Variants in SUFU observed in about 807,000 individuals in gnomAD.
SUFU encodes SUFU negative regulator of hedgehog signaling.
SUFU carries 7 observed loss-of-function variants against 58.9 expected under a neutral mutation model. The ratio of observed to expected loss-of-function variants is 0.12; its 90% CI spans 0.07 to 0.22. SUFU has a LOEUF of 0.22. Among genes scored for constraint, SUFU ranks in the 10% least tolerant of loss-of-function variants. SUFU has a pLI of 1.00. For missense variants in SUFU, 451 were observed against 641.3 expected, an observed-to-expected ratio of 0.70 and a Z score of 3.20; for synonymous variants, 232 against 254.8, an observed-to-expected ratio of 0.91 and a Z score of 0.85.
At chr10:102,532,138 T>C (rs1359545667) in intron 2 of SUFU, among the ~76,000 whole-genome samples, 1 of 152,044 alleles carries the variant, frequency 6.6e-6, no homozygotes, top group Non-Finnish European at 1.5e-5. Flanking sequence ...ATTTTATTAT[T>C]ATTATTTTTG....
At chr10:102,554,283 A>T (rs2062950831) in intron 3 of SUFU, among the ~76,000 whole-genome samples, 1 of 152,048 alleles carries the variant, frequency 6.6e-6, no homozygotes, top group African/African-American at 2.4e-5. Context: ...GACACCTGTA[A>T]TCCCAGCTAC....
rs778708985 is a variant in SUFU, at chr10:102,509,193, C to T, written c.207C>T (p.Asp69=). The T allele has an allele frequency of 6.2e-7, 1 of 1,614,194 alleles. No homozygotes were observed. The highest frequency in any genetic ancestry group is 8.5e-7 in the Non-Finnish European group (1 of 1,180,032). The change falls in exon 2 of 12, where the codon GAC becomes GAT. Residue 69 remains aspartate (D), a synonymous_variant. Transcript: ENST00000369902. ...GGTTGGGTGGCCCAGACCCCTTGGACTATGTTAGCATGTACAGGAATGTGG... is the reference window on the plus strand; with the variant it reads ...GGTTGGGTGGCCCAGACCCCTTGGATTATGTTAGCATGTACAGGAATGTGG... ...KYWLGGPDPL[D]YVSMYRNVGS... is the part of the protein sequence containing the mutation.
At position 102,528,254 on chromosome 10, in the gene SUFU, G is replaced by A. The variant is rs189473351; in HGVS notation, c.317+18951G>A. On this transcript the variant is annotated intron_variant, in intron 2 of 11. Transcript: ENST00000369902. Reference sequence around the variant, plus strand: ...ACCACCCTGCAAGAAAGGGTCTGGTGCCCTTGGCTTAGAATTTCTAAAATT... The same window carrying A: ...ACCACCCTGCAAGAAAGGGTCTGGTACCCTTGGCTTAGAATTTCTAAAATT... Among the ~76,000 whole-genome samples the A allele has an allele frequency of 2.4e-4, 36 of 152,284 alleles. No individual in the cohort carries two copies. In the East Asian group the frequency reaches 6.8e-3, roughly 29 times the overall value.
intron 3 of SUFU, among the ~76,000 whole-genome samples, chr10:102,560,000 T>A (rs1427744996): frequency 6.6e-6 from 1 of 152,218 alleles, no homozygotes; most frequent in Non-Finnish European, 1.5e-5. Context: ...TGGCACTGCA[T>A]GAGTAGGGAT....
chr10:102,544,225 C>T (rs1483439505), intron 2 of SUFU, among the ~76,000 whole-genome samples: 1 of 152,202 alleles, frequency 6.6e-6, no homozygotes, highest in Non-Finnish European at 1.5e-5. Context: ...ATGAGTATAA[C>T]AATGGCTGAG....
chr10:102,508,205 C>G (rs1010086270), intron 1 of SUFU, among the ~76,000 whole-genome samples: 1 of 152,022 alleles, frequency 6.6e-6, no homozygotes, highest in Non-Finnish European at 1.5e-5. Flanking sequence ...AACTCCTGAC[C>G]TCAAGTAATC....
intron 2 of SUFU, among the ~76,000 whole-genome samples, chr10:102,518,592 G>A (rs1382547709): frequency 1.3e-5 from 2 of 151,386 alleles, no homozygotes; most frequent in African/African-American, 2.4e-5. Flanking sequence ...TCTCGCCCAG[G>A]CTGGAGTGCA....
intron 3 of SUFU, among the ~76,000 whole-genome samples, chr10:102,553,741 G>GCGTGAGCCAC (rs2062944803): frequency 6.6e-6 from 1 of 151,916 alleles, no homozygotes; most frequent in African/African-American, 2.4e-5. Context: ...GGGATTACAG[G>GCGTGAGCCAC]CGTGAGCCAC....
chr10:102,624,368 A>G (rs2063768190), intron 10 of SUFU, among the ~76,000 whole-genome samples: 1 of 152,226 alleles, frequency 6.6e-6, no homozygotes, highest in African/African-American at 2.4e-5. Flanking sequence ...TGAAATATAC[A>G]AAGAACAGGG....
chr10:102,527,249 A>G (rs932353806), intron 2 of SUFU, among the ~76,000 whole-genome samples: 4 of 151,758 alleles, frequency 2.6e-5, no homozygotes, highest in South Asian at 2.1e-4. Context: ...TGATCCGCCC[A>G]CCTTGGCCTC....
intron 3 of SUFU, among the ~76,000 whole-genome samples, chr10:102,580,035 C>CCCG (rs1554850793): frequency 1.7e-5 from 2 of 121,120 alleles, no homozygotes; most frequent in Admixed American, 1.6e-4. Flanking sequence ...CCGCACCCCC[C>CCCG]CCCCGCCCCC....
rs527739002 is a variant in SUFU, at chr10:102,587,537, G to A, written c.455-5045G>A. 1.3e-3 allele frequency among the ~76,000 whole-genome samples: 205 copies of A among 152,322 alleles called. 1 individual carries two copies. The highest frequency in any genetic ancestry group is 4.8e-3 in the African/African-American group (198 of 41,578). ...ACGAAGTCTTGGTCTTGTCACCCAG[G>A]CTGGAGTGCAGTAGCGTGATCTCGG... On this transcript the variant is annotated intron_variant, in intron 3 of 11. Coordinates refer to ENST00000369902, the MANE Select transcript of SUFU (RefSeq NM_016169.4).
Position 102,612,252 on chromosome 10 carries a change from C to T in SUFU, c.1023-3016C>T, listed in dbSNP as rs558275098. 1.1e-4 allele frequency among the ~76,000 whole-genome samples: 17 copies of T among 151,626 alleles called. No individual in the cohort carries two copies. In the East Asian group the frequency reaches 3.3e-3, roughly 29 times the overall value. On this transcript the variant is annotated intron_variant, in intron 8 of 11. Coordinates refer to ENST00000369902, the MANE Select transcript of SUFU (RefSeq NM_016169.4). ...GTGTGTATAGCAGCCGCGTTTCCAT[C>T]GAAGCAGCATGCCGGAAATACCCAA...
chr10:102,527,422 GA>G, intron 2 of SUFU, among the ~76,000 whole-genome samples: 1 of 152,028 alleles, frequency 6.6e-6, no homozygotes, highest in East Asian at 1.9e-4. Context: ...GAAGACAGGA[GA>G]ACTGAGTTGA....
chr10:102,523,185 A>G (rs928486140), intron 2 of SUFU, among the ~76,000 whole-genome samples: 1 of 152,200 alleles, frequency 6.6e-6, no homozygotes, highest in Non-Finnish European at 1.5e-5. Context: ...TGGCCCTCAC[A>G]GATCCCTTTC....
At chr10:102,503,843 C>T, upstream of SUFU, 1 of 375,892 alleles carries the variant, frequency 2.7e-6, no homozygotes, top group Non-Finnish European at 4.8e-6. Context: ...GGAGGGGAGG[C>T]GGGGCCTATT....
chr10:102,618,931 C>CGCGTGTGTGTGT (rs370307566), intron 10 of SUFU: 1 of 535,024 alleles, frequency 1.9e-6, no homozygotes, highest in East Asian at 4.3e-5. Context: ...CCTCAGGTAG[C>CGCGTGTGTGTGT]GTGTGTGTGT....
intron 8 of SUFU, among the ~76,000 whole-genome samples, chr10:102,607,652 G>A (rs1413673972): frequency 2.6e-5 from 4 of 152,154 alleles, no homozygotes; most frequent in East Asian, 3.9e-4. Flanking sequence ...GGTGACTCAC[G>A]CCTGTAATCC....
At chr10:102,513,212 G>A (rs1199697884) in intron 2 of SUFU, among the ~76,000 whole-genome samples, 1 of 152,130 alleles carries the variant, frequency 6.6e-6, no homozygotes, top group Non-Finnish European at 1.5e-5. Flanking sequence ...TAATGGTGGG[G>A]CCTCTTTAAA....
Sources: allele counts gnomAD v4.1 joint callset (sites outside exome capture counted in the v4.1 genomes callset), GRCh38; gene constraint gnomAD v4.1.1; transcripts MANE v1.5; gene names NCBI Gene and HGNC (gene_info 2026-07-23, HGNC 2026-07-21).